STXBP5L: variants seen among roughly 807,000 people sequenced by gnomAD.
The protein encoded by STXBP5L is syntaxin-binding protein 5-like.
Under a neutral mutation model 144.5 loss-of-function variants are expected in STXBP5L, and 65 were observed. The observed-to-expected ratio is 0.45, with a 90% CI of 0.37 to 0.55. The LOEUF (loss-of-function observed/expected upper bound fraction) is 0.55, where lower values mean the gene tolerates loss of function less well. STXBP5L is among the 20% of genes least tolerant of loss of function. STXBP5L has a pLI of 0.00. For missense variants in STXBP5L, 1,298 were observed against 1,405.5 expected (o/e 0.92, Z 1.22); for synonymous variants, 505 against 469.6 (o/e 1.08, Z -0.97).
intron 22 of STXBP5L, among the ~76,000 whole-genome samples, chr3:121,398,967 A>T (rs2046803722): frequency 6.6e-6 from 1 of 152,096 alleles, no homozygotes; most frequent in Non-Finnish European, 1.5e-5. Flanking sequence ...ACACTGGGGC[A>T]ACTACTTTTC....
chr3:121,177,364 A>G (rs999489436), intron 9 of STXBP5L, among the ~76,000 whole-genome samples: 4 of 152,126 alleles, frequency 2.6e-5, no homozygotes, highest in African/African-American at 9.6e-5. Flanking sequence ...TATATCTCAT[A>G]AAGGGTGAAT....
chr3:121,053,060 G>A (rs1395724665), intron 5 of STXBP5L, among the ~76,000 whole-genome samples: 1 of 152,116 alleles, frequency 6.6e-6, no homozygotes, highest in Admixed American at 6.5e-5. Context: ...ACCTCTTCAA[G>A]GAGAACTACA....
intron 22 of STXBP5L, among the ~76,000 whole-genome samples, chr3:121,392,806 T>TATATATA (rs1257765167): frequency 3.6e-5 from 5 of 139,068 alleles, no homozygotes; most frequent in Admixed American, 2.9e-4. Flanking sequence ...TATATATATA[T>TATATATA]ATCACATTTT....
At chr3:120,909,175 A>T in intron 1 of STXBP5L, 2 of 157,560 alleles carry the variant, frequency 1.3e-5, no homozygotes, top group Non-Finnish European at 1.4e-5. Flanking sequence ...CGCCCTTAAG[A>T]GAGAGACAGA....
intron 20 of STXBP5L, among the ~76,000 whole-genome samples, chr3:121,344,446 T>A (rs1406891510): frequency 6.6e-6 from 1 of 151,970 alleles, no homozygotes; most frequent in Non-Finnish European, 1.5e-5. Flanking sequence ...TTGGTCCCCC[T>A]AAGCCCTTAC....
chr3:121,282,185 A>G (rs957061243), intron 19 of STXBP5L: 16 of 1,259,140 alleles, frequency 1.3e-5, no homozygotes, highest in South Asian at 2.6e-5. Context: ...TTCTGGTATG[A>G]TATCACTTCC....
At chr3:121,134,368 G>C (rs752722827) in intron 7 of STXBP5L, among the ~76,000 whole-genome samples, 1 of 151,892 alleles carries the variant, frequency 6.6e-6, no homozygotes, top group Non-Finnish European at 1.5e-5. Flanking sequence ...CCTCTTAAAG[G>C]CTCCACTTGT....
At position 121,318,481 on chromosome 3, in the gene STXBP5L, C is replaced by A; in HGVS notation, c.2117C>A (p.Thr706Asn). Reference protein sequence around the residue: ...RKNKQFIAGLTELNDSPVPLE... With the variant: ...RKNKQFIAGLNELNDSPVPLE... The stretch of plus-strand genomic sequence containing the variant: ...TTTTTCATTGTATTTTCAGGTTTAA[C>A]TGAACTGAATGACAGTCCAGTTCCC... Residue 706 changes from threonine (T) to asparagine (N), a missense_variant, in exon 20 of 27, where the codon ACT becomes AAT. Transcript: ENST00000471454. 1 of 1,554,910 alleles carries A rather than the reference C, an allele frequency of 6.4e-7. No homozygotes were observed. Among genetic ancestry groups the A allele is most frequent in the Non-Finnish European group, 8.7e-7 (1 of 1,153,336 alleles).
At chr3:121,198,515 T>G (rs182925151) in intron 9 of STXBP5L, among the ~76,000 whole-genome samples, 73 of 152,336 alleles carry the variant, frequency 4.8e-4, no homozygotes, top group African/African-American at 1.8e-3. Context: ...ATTTTGGCTT[T>G]TGTTGCCATT....
At chr3:121,314,347 C>A (rs1442855733) in intron 19 of STXBP5L, among the ~76,000 whole-genome samples, 1 of 138,516 alleles carries the variant, frequency 7.2e-6, no homozygotes, top group African/African-American at 2.7e-5. Flanking sequence ...ATCCCGGCAC[C>A]TCGGGAGGCC....
chr3:121,405,784 A>G (rs954143609), intron 22 of STXBP5L, among the ~76,000 whole-genome samples: 1 of 152,138 alleles, frequency 6.6e-6, no homozygotes, highest in African/African-American at 2.4e-5. Context: ...TATAAACCTA[A>G]TGAACAGAAT....
At chr3:121,002,681 A>G (rs1261506022) in intron 3 of STXBP5L, among the ~76,000 whole-genome samples, 1 of 151,858 alleles carries the variant, frequency 6.6e-6, no homozygotes, top group Non-Finnish European at 1.5e-5. Flanking sequence ...CATTAGGTAT[A>G]CCTCCTAATG....
intron 3 of STXBP5L, among the ~76,000 whole-genome samples, chr3:121,003,082 G>T (rs3108752): frequency 0.21 from 32,409 of 151,966 alleles, 3,675 homozygotes; most frequent in Non-Finnish European, 0.26. Context: ...GTAATGGGAT[G>T]GCTGGGTCAA....
chr3:120,984,262 A>C (rs569888182), intron 3 of STXBP5L, among the ~76,000 whole-genome samples: 5 of 152,260 alleles, frequency 3.3e-5, no homozygotes, highest in Admixed American at 1.3e-4. Context: ...GCCTAAAATG[A>C]CTTTTTCTTT....
chr3:121,013,322 G>T (rs1944916101), intron 3 of STXBP5L, among the ~76,000 whole-genome samples: 1 of 152,012 alleles, frequency 6.6e-6, no homozygotes, highest in Non-Finnish European at 1.5e-5. Flanking sequence ...TGGTATATAA[G>T]TGTTCCCTTT....
chr3:121,313,514 CCGGG>C (rs1218794143), intron 19 of STXBP5L, among the ~76,000 whole-genome samples: 2 of 10,202 alleles, frequency 2.0e-4, no homozygotes, highest in Non-Finnish European at 4.1e-4. Context: ...GTAGGGGCGG[CCGGG>C]CAGAGGAGCC....
intron 3 of STXBP5L, among the ~76,000 whole-genome samples, chr3:121,018,441 G>A (rs1290731637): frequency 1.4e-5 from 2 of 145,138 alleles, no homozygotes; most frequent in Non-Finnish European, 3.0e-5. Flanking sequence ...ACTAATCTTT[G>A]ACAAAGAAAC....
At chr3:121,128,597 C>T (rs2044825561) in intron 7 of STXBP5L, among the ~76,000 whole-genome samples, 1 of 151,914 alleles carries the variant, frequency 6.6e-6, no homozygotes, top group Non-Finnish European at 1.5e-5. Flanking sequence ...TTGTAGAGGC[C>T]AGGTCACAAA....
At chr3:121,053,463 C>A (rs996237254) in intron 5 of STXBP5L, among the ~76,000 whole-genome samples, 3 of 152,044 alleles carry the variant, frequency 2.0e-5, no homozygotes, top group African/African-American at 2.4e-5. Context: ...CTGATCTTTG[C>A]CAAACCTGAC....
Sources: allele counts gnomAD v4.1 joint callset (sites outside exome capture counted in the v4.1 genomes callset), GRCh38; gene constraint gnomAD v4.1.1; transcripts MANE v1.5; gene names NCBI Gene and HGNC (gene_info 2026-07-23, HGNC 2026-07-21).